FHIT: variants seen among roughly 807,000 people sequenced by gnomAD.
FHIT encodes fragile histidine triad diadenosine triphosphatase.
FHIT carries 19 observed loss-of-function variants against 17.9 expected under a neutral mutation model. The ratio of observed to expected loss-of-function variants is 1.06; its 90% CI spans 0.74 to 1.56. The LOEUF is 1.56. Ranked by LOEUF, FHIT falls within the 40% of genes most tolerant of loss-of-function variation. The probability of loss-of-function intolerance (pLI) is 0.00; values close to 1 mark genes in which losing one functional copy is unlikely to be tolerated. For synonymous variants in FHIT, 81 were observed against 69.7 expected (o/e 1.16, Z -0.81); for missense variants, 248 against 189.2 (o/e 1.31, Z -1.82).
chr3:60,415,277 A>T (rs1282155791), intron 5 of FHIT, among the ~76,000 whole-genome samples: 1 of 152,188 alleles, frequency 6.6e-6, no homozygotes, highest in Admixed American at 6.5e-5. Context: ...AAAAAATAAT[A>T]CTCAAGTGAT....
intron 5 of FHIT, among the ~76,000 whole-genome samples, chr3:60,268,523 C>T (rs867888855): frequency 1.2e-4 from 19 of 152,252 alleles, no homozygotes; most frequent in African/African-American, 4.6e-4. Flanking sequence ...GGAAGCTGGA[C>T]ATTTATTGAG....
intron 5 of FHIT, among the ~76,000 whole-genome samples, chr3:60,016,257 A>C (rs1023611716): frequency 4.6e-5 from 7 of 152,248 alleles, no homozygotes; most frequent in African/African-American, 1.7e-4. Flanking sequence ...ACTGGTTACC[A>C]CTTCTCCCTA....
intron 4 of FHIT, among the ~76,000 whole-genome samples, chr3:60,736,790 T>A (rs1222923710): frequency 6.6e-6 from 1 of 152,190 alleles, no homozygotes; most frequent in Non-Finnish European, 1.5e-5. Context: ...CATTGTGCTA[T>A]GTGAATTATT....
At chr3:61,232,812 A>G (rs950124084) in intron 1 of FHIT, among the ~76,000 whole-genome samples, 1 of 152,232 alleles carries the variant, frequency 6.6e-6, no homozygotes, top group African/African-American at 2.4e-5. Flanking sequence ...GGCTTCAAAT[A>G]AGACTGGACA....
chr3:60,610,100 A>C (rs2038739102), intron 4 of FHIT, among the ~76,000 whole-genome samples: 1 of 152,150 alleles, frequency 6.6e-6, no homozygotes, highest in African/African-American at 2.4e-5. Flanking sequence ...TATGCATATG[A>C]GTTTTATTCT....
At chr3:60,967,715 T>C (rs1374012520) in intron 3 of FHIT, among the ~76,000 whole-genome samples, 1 of 152,194 alleles carries the variant, frequency 6.6e-6, no homozygotes, top group Non-Finnish European at 1.5e-5. Context: ...TTTCACTGTT[T>C]AATAATGCCA....
chr3:61,084,129 C>T (rs1283242139), intron 2 of FHIT, among the ~76,000 whole-genome samples: 4 of 152,112 alleles, frequency 2.6e-5, no homozygotes, highest in African/African-American at 9.7e-5. Flanking sequence ...TTTTCCCTGC[C>T]CTGATACCCA....
chr3:61,150,062 C>T (rs1313129942), intron 2 of FHIT, among the ~76,000 whole-genome samples: 5 of 152,118 alleles, frequency 3.3e-5, no homozygotes, highest in Non-Finnish European at 7.4e-5. Context: ...CTTCATTCAA[C>T]AAGTAATTGT....
chr3:60,459,806 A>G (rs2032343356), intron 5 of FHIT, among the ~76,000 whole-genome samples: 1 of 152,222 alleles, frequency 6.6e-6, no homozygotes, highest in Non-Finnish European at 1.5e-5. Context: ...CCTGCAAGTT[A>G]AAAAACAAGA....
At chr3:59,846,244 G>C (rs576809410) in intron 8 of FHIT, among the ~76,000 whole-genome samples, 1 of 151,822 alleles carries the variant, frequency 6.6e-6, no homozygotes, top group African/African-American at 2.4e-5. Flanking sequence ...ATTCCTTTTC[G>C]ATTTTTTCTG....
chr3:60,012,023 CA>C lies in FHIT; in HGVS notation c.250-624del, dbSNP rs112306542. 1.2e-3 allele frequency among the ~76,000 whole-genome samples: 187 copies of C among 152,218 alleles called. 2 individuals carry two copies. The highest frequency in any genetic ancestry group is 4.1e-3 in the African/African-American group (170 of 41,538). ...TACTCAGCTGGTTGAGATGGCCAAA[CA>C]AAGCAATGGCTCCACAATCAGAAAT... is the stretch of plus-strand genomic sequence containing the variant. On this transcript the variant is annotated intron_variant, in intron 6 of 9. Coordinates refer to ENST00000492590, the MANE Select transcript of FHIT (RefSeq NM_002012.4).
At chr3:60,907,301 T>C (rs1553764814) in intron 3 of FHIT, among the ~76,000 whole-genome samples, 1 of 152,152 alleles carries the variant, frequency 6.6e-6, no homozygotes, top group Non-Finnish European at 1.5e-5. Flanking sequence ...GAGGAACAAT[T>C]GGACAGATCC....
chr3:60,311,883 G>T (rs745560366), intron 5 of FHIT, among the ~76,000 whole-genome samples: 57 of 151,740 alleles, frequency 3.8e-4, no homozygotes, highest in Non-Finnish European at 4.1e-4. Context: ...AAATCAATTA[G>T]TCCAACCCAC....
intron 7 of FHIT, among the ~76,000 whole-genome samples, chr3:59,942,086 A>G (rs894841305): frequency 6.6e-6 from 1 of 152,048 alleles, no homozygotes; most frequent in Non-Finnish European, 1.5e-5. Flanking sequence ...CTAGGGGTGG[A>G]CCCTGTTAAC....
chr3:60,263,357 G>T (rs887396387), intron 5 of FHIT, among the ~76,000 whole-genome samples: 2 of 151,844 alleles, frequency 1.3e-5, no homozygotes, highest in Non-Finnish European at 2.9e-5. Flanking sequence ...ATGCATCCAA[G>T]AAAAATGCAA....
At chr3:59,914,527 G>A (rs1392352046) in intron 8 of FHIT, among the ~76,000 whole-genome samples, 2 of 152,054 alleles carry the variant, frequency 1.3e-5, no homozygotes, top group African/African-American at 2.4e-5. Context: ...TGAATTACGT[G>A]TATCATTCTT....
At chr3:61,178,625 G>A (rs556849126) in intron 2 of FHIT, among the ~76,000 whole-genome samples, 10 of 151,680 alleles carry the variant, frequency 6.6e-5, no homozygotes, top group Admixed American at 5.3e-4. Context: ...TATAGCCTTA[G>A]GTTCAAATAT....
chr3:61,099,896 A>C (rs2035763831), intron 2 of FHIT, among the ~76,000 whole-genome samples: 1 of 151,824 alleles, frequency 6.6e-6, no homozygotes, highest in African/African-American at 2.4e-5. Flanking sequence ...TTTTTATCCA[A>C]GTAATTGAAC....
At chr3:60,310,540 C>T (rs1708893813) in intron 5 of FHIT, among the ~76,000 whole-genome samples, 2 of 152,078 alleles carry the variant, frequency 1.3e-5, no homozygotes, top group South Asian at 4.2e-4. Context: ...GGCACAGGTG[C>T]AGGAGGTGAC....
Sources: gnomAD v4.1 joint callset for allele counts (sites outside exome capture counted in the v4.1 genomes callset) on GRCh38, gnomAD v4.1.1 for gene constraint, MANE v1.5 for transcripts, NCBI Gene and HGNC (gene_info 2026-07-23, HGNC 2026-07-21) for gene names.